The following PIP5K1B variants were observed in gnomAD, a reference collection of about 807,000 sequenced individuals.
The protein encoded by PIP5K1B is phosphatidylinositol-4-phosphate 5-kinase type 1 beta.
In PIP5K1B, 42 loss-of-function variants were observed where a neutral mutation model predicts 67.0. The ratio of observed to expected loss-of-function variants is 0.63; its 90% CI spans 0.49 to 0.81. PIP5K1B has a LOEUF of 0.81. Ranked by LOEUF, PIP5K1B falls within the 30% of genes least tolerant of loss-of-function variation. The pLI is 0.00. For missense variants in PIP5K1B, 459 were observed against 646.3 expected, an observed-to-expected ratio of 0.71 and a Z score of 3.14; for synonymous variants, 214 against 231.4, an observed-to-expected ratio of 0.92 and a Z score of 0.68.
At chr9:68,931,844 A>G (rs887155853) in intron 12 of PIP5K1B, among the ~76,000 whole-genome samples, 1 of 152,244 alleles carries the variant, frequency 6.6e-6, no homozygotes, top group Non-Finnish European at 1.5e-5. Context: ...TTTCTGCCAC[A>G]CAAAAGGAAG....
chr9:68,884,747 C>T (rs1824380526), intron 6 of PIP5K1B, among the ~76,000 whole-genome samples: 1 of 150,602 alleles, frequency 6.6e-6, no homozygotes, highest in Non-Finnish European at 1.5e-5. Context: ...GAGAGAAAAC[C>T]ACAATGAAAT....
chr9:68,738,582 C>T (rs919821917), intron 1 of PIP5K1B, among the ~76,000 whole-genome samples: 4 of 152,268 alleles, frequency 2.6e-5, no homozygotes, highest in Admixed American at 2.6e-4. Context: ...CTGGAGATGA[C>T]AAGGGGTGGG....
chr9:68,842,316 C>T (rs1357498260), intron 4 of PIP5K1B, among the ~76,000 whole-genome samples: 4 of 152,336 alleles, frequency 2.6e-5, no homozygotes, highest in Admixed American at 1.3e-4. Flanking sequence ...CTTTTAAAGA[C>T]AAGGATCATG....
intron 2 of PIP5K1B, chr9:68,780,995 A>T: frequency 6.2e-7 from 1 of 1,614,028 alleles, no homozygotes; most frequent in Non-Finnish European, 8.5e-7. Flanking sequence ...CGGCTTCTCC[A>T]TTTATTCCAC....
chr9:68,999,356 A>G (rs537554841), intron 15 of PIP5K1B, among the ~76,000 whole-genome samples: 2 of 152,176 alleles, frequency 1.3e-5, no homozygotes, highest in Non-Finnish European at 2.9e-5. Context: ...GGACCTGTGA[A>G]TTAACTGCTC....
intron 6 of PIP5K1B, among the ~76,000 whole-genome samples, chr9:68,888,507 G>A (rs888909376): frequency 2.0e-5 from 3 of 152,210 alleles, no homozygotes; most frequent in Admixed American, 6.5e-5. Flanking sequence ...GAAAGATCTG[G>A]GCTAGAGATA....
At chr9:68,995,226 GGAGAAAGAAAGA>G (rs368834918) in intron 15 of PIP5K1B, among the ~76,000 whole-genome samples, 303 of 99,636 alleles carry the variant, frequency 3.0e-3, no homozygotes, top group African/African-American at 0.011. Context: ...GGAGGGGAGG[GGAGAAAGAAAGA>G]GAGAAAGAAA....
At chr9:68,747,325 T>C (rs1332722307) in intron 2 of PIP5K1B, among the ~76,000 whole-genome samples, 1 of 151,104 alleles carries the variant, frequency 6.6e-6, no homozygotes, top group African/African-American at 2.4e-5. Flanking sequence ...GTTGCTTAAT[T>C]ACTGTCTGTT....
At chr9:68,910,103 A>C (rs967759060) in intron 8 of PIP5K1B, among the ~76,000 whole-genome samples, 6 of 152,222 alleles carry the variant, frequency 3.9e-5, no homozygotes, top group African/African-American at 1.4e-4. Flanking sequence ...ACAGTTGACC[A>C]AGCCTGTGAC....
intron 2 of PIP5K1B, among the ~76,000 whole-genome samples, chr9:68,802,438 G>A (rs890794954): frequency 6.6e-6 from 1 of 152,076 alleles, no homozygotes; most frequent in Non-Finnish European, 1.5e-5. Context: ...GAAAATGGAT[G>A]GATGGATGGA....
At chr9:68,841,092 C>G (rs1195413473) in intron 4 of PIP5K1B, among the ~76,000 whole-genome samples, 1 of 152,144 alleles carries the variant, frequency 6.6e-6, no homozygotes, top group Admixed American at 6.5e-5. Flanking sequence ...CTACTTCACT[C>G]CTTCCATAAA....
intron 2 of PIP5K1B, chr9:68,780,446 G>A (rs1210592067): frequency 6.2e-6 from 10 of 1,614,124 alleles, no homozygotes; most frequent in Non-Finnish European, 8.5e-6. Flanking sequence ...AAGAGGGCAT[G>A]GACTTGATCA....
intron 15 of PIP5K1B, among the ~76,000 whole-genome samples, chr9:69,000,484 C>T (rs928323104): frequency 6.6e-6 from 1 of 152,108 alleles, no homozygotes; most frequent in Admixed American, 6.6e-5. Context: ...TCTTGTCATT[C>T]TGGAGGCCAG....
intron 2 of PIP5K1B, among the ~76,000 whole-genome samples, chr9:68,743,537 ATAAG>A (rs1564102058): frequency 6.6e-6 from 1 of 152,234 alleles, no homozygotes; most frequent in African/African-American, 2.4e-5. Context: ...ATGAGCTTTC[ATAAG>A]AACACTGCAT....
chr9:68,939,523 G>T (rs1827451026), intron 13 of PIP5K1B, among the ~76,000 whole-genome samples: 1 of 152,216 alleles, frequency 6.6e-6, no homozygotes, highest in South Asian at 2.1e-4. Flanking sequence ...CATTAAAGTT[G>T]AAGCCTTTCT....
At position 68,780,535 on chromosome 9, in the gene PIP5K1B, G is replaced by C. The variant is rs546395944; in HGVS notation, c.-86+37878G>C. 9.9e-6 allele frequency: 16 copies of C among 1,614,214 alleles called. No individual in the cohort carries two copies. The Admixed American group carries it at 2.5e-4, about 25-fold the overall frequency. On this transcript the variant is annotated intron_variant, in intron 2 of 15. Coordinates refer to ENST00000265382, the MANE Select transcript of PIP5K1B (RefSeq NM_003558.4). ...TCCTGGGAGGAAAGTTTCAGCCTGA[G>C]TGACAACGACGTGGAGAAATCCGCC...
chr9:68,846,755 T>A (rs1247704238), intron 4 of PIP5K1B, among the ~76,000 whole-genome samples: 3 of 152,212 alleles, frequency 2.0e-5, no homozygotes, highest in Non-Finnish European at 4.4e-5. Context: ...TCCTCTAACA[T>A]AGATAATGAC....
intron 8 of PIP5K1B, among the ~76,000 whole-genome samples, chr9:68,910,469 G>A (rs1385682015): frequency 2.0e-5 from 3 of 152,186 alleles, no homozygotes; most frequent in East Asian, 3.8e-4. Context: ...GATACAGGGT[G>A]TAGTGTTTTA....
chr9:68,824,372 G>T (rs1388473245), intron 4 of PIP5K1B: 1 of 433,428 alleles, frequency 2.3e-6, no homozygotes, highest in Non-Finnish European at 4.5e-6. Context: ...ATTTAGTCAA[G>T]CAGGTTTTCA....
Sources: gnomAD v4.1 joint callset for allele counts (sites outside exome capture counted in the v4.1 genomes callset) on GRCh38, gnomAD v4.1.1 for gene constraint, MANE v1.5 for transcripts, NCBI Gene and HGNC (gene_info 2026-07-23, HGNC 2026-07-21) for gene names.